RUNDC3B: variants seen among roughly 807,000 people sequenced by gnomAD.
The protein encoded by RUNDC3B is RUN domain-containing protein 3B.
Under a neutral mutation model 58.4 loss-of-function variants are expected in RUNDC3B, and 33 were observed. The observed-to-expected ratio is 0.56, with a 90% confidence interval of 0.43 to 0.75. The LOEUF (loss-of-function observed/expected upper bound fraction) is 0.75, where lower values mean the gene tolerates loss of function less well. RUNDC3B is among the 30% of genes least tolerant of loss of function. The pLI is 0.00. For missense variants in RUNDC3B, 501 were observed against 535.7 expected (o/e 0.94, Z 0.64); for synonymous variants, 193 against 195.2 (o/e 0.99, Z 0.10).
At chr7:87,788,248 C>A (rs1194459890) in intron 8 of RUNDC3B, among the ~76,000 whole-genome samples, 1 of 152,216 alleles carries the variant, frequency 6.6e-6, no homozygotes, top group Non-Finnish European at 1.5e-5. Flanking sequence ...CACAGCAAGA[C>A]CCCCATCTCT....
intron 4 of RUNDC3B, among the ~76,000 whole-genome samples, chr7:87,720,133 G>C (rs975115828): frequency 1.3e-5 from 2 of 151,960 alleles, no homozygotes; most frequent in African/African-American, 4.8e-5. Context: ...TACAAATTGG[G>C]AGGAAAAGAC....
At position 87,769,025 on chromosome 7, in the gene RUNDC3B, C is replaced by T. The variant is rs532798455; in HGVS notation, c.630-1556C>T. On this transcript the variant is annotated intron_variant, in intron 6 of 10. Transcript: ENST00000394654. Reference sequence around the variant, plus strand: ...CCACCACCACTCCTTTTTTTTGAGACGGAGTCTCTCTGTCACCCAGGCTGG... The same window carrying T: ...CCACCACCACTCCTTTTTTTTGAGATGGAGTCTCTCTGTCACCCAGGCTGG... 1.1e-4 allele frequency among the ~76,000 whole-genome samples: 17 copies of T among 151,834 alleles called. 1 individual carries two copies. Among genetic ancestry groups the T allele is most frequent in the African/African-American group, 3.6e-4 (15 of 41,428 alleles).
At position 87,830,794 on chromosome 7, in the gene RUNDC3B, AG is replaced by A. The variant is rs758083946; in HGVS notation, c.*765del. 2 of 151,738 alleles carry A rather than the reference AG, an allele frequency of 1.3e-5. No individual in the cohort carries two copies. Among genetic ancestry groups the A allele is most frequent in the Non-Finnish European group, 2.9e-5 (2 of 67,848 alleles). The allele number at this position is 151,738 out of a possible 1,614,324, so 9.4% of individuals were successfully genotyped here. A position where few individuals can be genotyped will look rare whatever the true frequency, so the allele number is the denominator to read the frequency against. Reference sequence around the variant, plus strand: ...TATGATCAAGTATGCCTCAAAAACTAGAAACATTTCAAAATGTAGAACAAAC... The same window carrying A: ...TATGATCAAGTATGCCTCAAAAACTAAAACATTTCAAAATGTAGAACAAAC... On this transcript the variant is annotated 3_prime_UTR_variant, in exon 11 of 11. Transcript: ENST00000394654.
chr7:87,680,777 G>A (rs536916609), intron 2 of RUNDC3B, among the ~76,000 whole-genome samples: 4 of 149,614 alleles, frequency 2.7e-5, no homozygotes, highest in African/African-American at 9.9e-5. Context: ...CTTGGGCAAG[G>A]AGTGAAACTC....
At chr7:87,759,801 A>G (rs1833576843) in intron 6 of RUNDC3B, among the ~76,000 whole-genome samples, 1 of 151,984 alleles carries the variant, frequency 6.6e-6, no homozygotes, top group Non-Finnish European at 1.5e-5. Context: ...ATCAAAAAAA[A>G]AAAAAAGTCC....
intron 1 of RUNDC3B, among the ~76,000 whole-genome samples, chr7:87,645,832 G>A (rs58448193): frequency 1.3e-5 from 2 of 151,974 alleles, no homozygotes; most frequent in African/African-American, 4.8e-5. Flanking sequence ...GGGAAGAATC[G>A]GTTAGCTGAA....
At chr7:87,735,514 G>A (rs1437195372) in intron 4 of RUNDC3B, among the ~76,000 whole-genome samples, 1 of 152,190 alleles carries the variant, frequency 6.6e-6, no homozygotes, top group Non-Finnish European at 1.5e-5. Flanking sequence ...CCTGGAGTCA[G>A]ATCCTGGTTT....
At chr7:87,693,316 T>C (rs1016794252) in intron 2 of RUNDC3B, among the ~76,000 whole-genome samples, 2 of 152,218 alleles carry the variant, frequency 1.3e-5, no homozygotes, top group Non-Finnish European at 2.9e-5. Context: ...CAACATTTTA[T>C]ATAATATCTA....
intron 6 of RUNDC3B, among the ~76,000 whole-genome samples, chr7:87,758,883 A>T (rs1369180961): frequency 6.6e-6 from 1 of 152,178 alleles, no homozygotes; most frequent in African/African-American, 2.4e-5. Context: ...GCTGGTGGGA[A>T]TGTAAATTAG....
At chr7:87,717,381 T>A (rs1423185538) in intron 4 of RUNDC3B, among the ~76,000 whole-genome samples, 1 of 152,072 alleles carries the variant, frequency 6.6e-6, no homozygotes, top group Non-Finnish European at 1.5e-5. Flanking sequence ...CAATATTTGC[T>A]TTATCAATTT....
intron 8 of RUNDC3B, among the ~76,000 whole-genome samples, chr7:87,798,037 C>T (rs1028362081): frequency 2.6e-5 from 4 of 152,240 alleles, no homozygotes; most frequent in African/African-American, 9.6e-5. Context: ...CCTTGCATTC[C>T]ACTGGTTTCA....
intron 9 of RUNDC3B, among the ~76,000 whole-genome samples, chr7:87,808,365 C>A (rs1489144268): frequency 6.6e-6 from 1 of 151,884 alleles, no homozygotes; most frequent in Non-Finnish European, 1.5e-5. Context: ...AGTCACATAT[C>A]TATGTGTGCT....
intron 1 of RUNDC3B, among the ~76,000 whole-genome samples, chr7:87,645,156 C>T (rs1247128184): frequency 2.0e-5 from 3 of 148,876 alleles, no homozygotes; most frequent in Non-Finnish European, 4.4e-5. Context: ...GATCTCGGAT[C>T]ACTGCAACCT....
At chr7:87,710,765 T>G in intron 4 of RUNDC3B, 110 bp downstream of exon 4, 1 of 575,850 alleles carries the variant, frequency 1.7e-6, no homozygotes, top group Non-Finnish European at 3.0e-6. Context: ...CTGTTTTATT[T>G]CCTCCTTTTG....
intron 3 of RUNDC3B, among the ~76,000 whole-genome samples, chr7:87,701,980 G>A (rs1354543774): frequency 2.0e-5 from 3 of 151,430 alleles, no homozygotes; most frequent in Non-Finnish European, 4.4e-5. Context: ...CGTCTCTACT[G>A]AAAATATAAA....
chr7:87,667,480 A>G (rs964188580), intron 2 of RUNDC3B, among the ~76,000 whole-genome samples: 2 of 150,780 alleles, frequency 1.3e-5, no homozygotes, highest in African/African-American at 4.9e-5. Flanking sequence ...GATGCCCTTT[A>G]TTTCTTTCTC....
chr7:87,761,532 G>A (rs1051978150), intron 6 of RUNDC3B, among the ~76,000 whole-genome samples: 2 of 151,834 alleles, frequency 1.3e-5, no homozygotes, highest in African/African-American at 4.8e-5. Context: ...TTACATGAAT[G>A]TTCATTATTC....
intron 4 of RUNDC3B, among the ~76,000 whole-genome samples, chr7:87,738,273 G>A (rs1832107472): frequency 6.6e-6 from 1 of 152,024 alleles, no homozygotes; most frequent in Admixed American, 6.6e-5. Context: ...CAGGGACAAA[G>A]TCTCAAACAT....
chr7:87,800,885 G>C (rs1836111220), intron 8 of RUNDC3B, among the ~76,000 whole-genome samples: 1 of 152,090 alleles, frequency 6.6e-6, no homozygotes, highest in Admixed American at 6.6e-5. Flanking sequence ...CTGGGCTCAA[G>C]TGATCCTCCC....
Sources: gnomAD v4.1 joint callset for allele counts (sites outside exome capture counted in the v4.1 genomes callset) on GRCh38, gnomAD v4.1.1 for gene constraint, MANE v1.5 for transcripts, NCBI Gene and HGNC (gene_info 2026-07-23, HGNC 2026-07-21) for gene names.